The following STXBP4 variants were observed in gnomAD, a reference collection of about 807,000 sequenced individuals.
STXBP4 encodes the protein syntaxin binding protein 4, also known as syntaxin-binding protein 4.
STXBP4 carries 55 observed loss-of-function variants against 76.1 expected under a neutral mutation model. The ratio of observed to expected loss-of-function variants is 0.72; its 90% CI spans 0.58 to 0.91. STXBP4 has a LOEUF of 0.91. Ranked by LOEUF, STXBP4 falls within the 40% of genes least tolerant of loss-of-function variation. STXBP4 has a pLI of 0.00. For synonymous variants in STXBP4, 201 were observed against 220.2 expected (o/e 0.91, Z 0.77); for missense variants, 618 against 636.9 (o/e 0.97, Z 0.32).
At chr17:55,147,135 A>G (rs1279886633) in intron 17 of STXBP4, among the ~76,000 whole-genome samples, 2 of 152,218 alleles carry the variant, frequency 1.3e-5, no homozygotes, top group Non-Finnish European at 2.9e-5. Flanking sequence ...GTCTCTGTCC[A>G]TTACTTGCTT....
chr17:55,018,330 G>A (rs942912655), intron 8 of STXBP4, among the ~76,000 whole-genome samples: 1 of 152,226 alleles, frequency 6.6e-6, no homozygotes, highest in African/African-American at 2.4e-5. Flanking sequence ...GATTGAGAGG[G>A]ATGGAAGTCA....
At chr17:55,094,190 G>A (rs1471406287) in intron 16 of STXBP4, among the ~76,000 whole-genome samples, 1 of 145,580 alleles carries the variant, frequency 6.9e-6, no homozygotes, top group East Asian at 2.0e-4. Context: ...AAAAGCCAGT[G>A]TATCTAATAC....
chr17:55,039,082 T>A (rs9904100), intron 10 of STXBP4, among the ~76,000 whole-genome samples: 9,678 of 152,252 alleles, frequency 0.064, 950 homozygotes, highest in African/African-American at 0.22. Context: ...GTGCACATGT[T>A]ATTAAGATAG....
chr17:55,060,592 C>T, intron 12 of STXBP4, among the ~76,000 whole-genome samples: 1 of 152,032 alleles, frequency 6.6e-6, no homozygotes, highest in African/African-American at 2.4e-5. Flanking sequence ...GAAGGATCAC[C>T]TTCATTGTTT....
intron 16 of STXBP4, among the ~76,000 whole-genome samples, chr17:55,108,559 T>C (rs2079666159): frequency 6.6e-6 from 1 of 152,218 alleles, no homozygotes; most frequent in Non-Finnish European, 1.5e-5. Context: ...GGTAATCTCC[T>C]GGTCTGTGGG....
At chr17:55,125,808 T>C (rs2079904700) in intron 16 of STXBP4, among the ~76,000 whole-genome samples, 1 of 152,136 alleles carries the variant, frequency 6.6e-6, no homozygotes, top group African/African-American at 2.4e-5. Context: ...CTTAGAGTGG[T>C]AAAACTGATA....
chr17:55,073,257 A>G (rs1235051487), intron 13 of STXBP4, among the ~76,000 whole-genome samples, 181 bp downstream of exon 13: 1 of 152,244 alleles, frequency 6.6e-6, no homozygotes, highest in Non-Finnish European at 1.5e-5. Context: ...TCCTTTATCC[A>G]GATGGCTTTG....
At chr17:55,099,940 TA>T (rs1191817674) in intron 16 of STXBP4, among the ~76,000 whole-genome samples, 2 of 152,130 alleles carry the variant, frequency 1.3e-5, no homozygotes, top group Non-Finnish European at 2.9e-5. Context: ...AGAAGGGGAA[TA>T]AGACTACAGA....
chr17:55,030,630 A>G (rs1003088810), intron 8 of STXBP4, among the ~76,000 whole-genome samples: 4 of 152,236 alleles, frequency 2.6e-5, no homozygotes, highest in Non-Finnish European at 5.9e-5. Context: ...CCAAAACGAG[A>G]AAGAACTTTT....
chr17:54,992,593 G>C (rs1010984684), intron 4 of STXBP4, among the ~76,000 whole-genome samples: 1 of 151,626 alleles, frequency 6.6e-6, no homozygotes, highest in Non-Finnish European at 1.5e-5. Flanking sequence ...AGAGGTGTGT[G>C]TGAGTGTGTG....
At position 55,159,938 on chromosome 17, in the gene STXBP4, A is replaced by C; in HGVS notation, c.*27A>C. On this transcript the variant is annotated 3_prime_UTR_variant, in exon 18 of 18. Coordinates refer to ENST00000376352, the MANE Select transcript of STXBP4 (RefSeq NM_178509.6). ...GGTTTTCCTTAGGAAGTGGAGCTACATGGATGATGTGAGCAGAGACGCATA... is the reference window on the plus strand; with the variant it reads ...GGTTTTCCTTAGGAAGTGGAGCTACCTGGATGATGTGAGCAGAGACGCATA... The C allele has an allele frequency of 5.6e-6, 8 of 1,436,562 alleles. No homozygotes were observed. The highest frequency in any genetic ancestry group is 1.4e-5 in the African/African-American group (1 of 71,472). 89.0% of individuals were successfully genotyped at this position (1,436,562 alleles called of 1,614,324 possible).
chr17:55,172,958 A>G lies in STXBP4; in HGVS notation c.*13047A>G, dbSNP rs933449671. The G allele has an allele frequency of 1.3e-5, 2 of 152,230 alleles. No homozygotes were observed. The highest frequency in any genetic ancestry group is 4.8e-5 in the African/African-American group (2 of 41,456). The allele number at this position is 152,230 out of a possible 1,614,324, so 9.4% of individuals were successfully genotyped here. On this transcript the variant is annotated 3_prime_UTR_variant, in exon 18 of 18. Coordinates refer to ENST00000376352, the MANE Select transcript of STXBP4 (RefSeq NM_178509.6). ...TACTGGAAAAGGAAAAGACTGAGAT[A>G]AGTTTCCAAAACCCCTGCTGGAGCA...
chr17:55,197,295 A>G, the STXBP4 span, among the ~76,000 whole-genome samples: 3 of 152,196 alleles, frequency 2.0e-5, no homozygotes, highest in African/African-American at 7.2e-5. Context: ...GGAAAATGCA[A>G]TTCCCCTCAA....
intron 16 of STXBP4, among the ~76,000 whole-genome samples, chr17:55,125,478 A>C (rs1228740365): frequency 6.1e-5 from 8 of 132,200 alleles, no homozygotes; most frequent in Non-Finnish European, 1.3e-4. Context: ...TGGACAAAAT[A>C]CAAAAAAAAA....
intron 4 of STXBP4, among the ~76,000 whole-genome samples, chr17:54,996,769 CTAT>C (rs2077810886): frequency 6.6e-6 from 1 of 152,110 alleles, no homozygotes; most frequent in South Asian, 2.1e-4. Flanking sequence ...TACAGAAGGA[CTAT>C]TCCTTAGTAT....
chr17:54,991,551 C>G (rs984643854), intron 4 of STXBP4: 4 of 152,104 alleles, frequency 2.6e-5, no homozygotes, highest in South Asian at 2.1e-4. Flanking sequence ...AAGGACAACC[C>G]CAGCAGTTTA....
chr17:55,163,983 A>T lies in STXBP4; in HGVS notation c.*4072A>T, dbSNP rs2080359795. ...TTCTCGGGAGAAATGGGACATTTTT[A>T]TTTTCTCTGCTAAGTGAAATGCAAC... On this transcript the variant is annotated 3_prime_UTR_variant, in exon 18 of 18. Transcript: ENST00000376352. 6.6e-6 allele frequency: 1 copy of T among 152,644 alleles called. No homozygotes were observed. Among genetic ancestry groups the T allele is most frequent in the South Asian group, 2.1e-4 (1 of 4,834 alleles). The allele number at this position is 152,644 out of a possible 1,614,324, so 9.5% of individuals were successfully genotyped here. A position where few individuals can be genotyped will look rare whatever the true frequency, so the allele number is the denominator to read the frequency against.
chr17:54,994,388 T>A (rs2077765136), intron 4 of STXBP4, among the ~76,000 whole-genome samples: 1 of 152,218 alleles, frequency 6.6e-6, no homozygotes, highest in Admixed American at 6.5e-5. Context: ...CATATTCTGC[T>A]CAACTCTTCC....
At chr17:55,185,532 T>C in the STXBP4 span, among the ~76,000 whole-genome samples, 1 of 152,058 alleles carries the variant, frequency 6.6e-6, no homozygotes, top group Non-Finnish European at 1.5e-5. Flanking sequence ...GGAATCTCTG[T>C]GGAGAATATA....
Sources: allele counts gnomAD v4.1 joint callset (sites outside exome capture counted in the v4.1 genomes callset), GRCh38; gene constraint gnomAD v4.1.1; transcripts MANE v1.5; gene names NCBI Gene and HGNC (gene_info 2026-07-23, HGNC 2026-07-21).